The following ZSWIM6 variants were observed in gnomAD, a reference collection of about 807,000 sequenced individuals.
ZSWIM6 encodes the protein zinc finger SWIM domain-containing protein 6.
A neutral mutation model predicts 113.2 loss-of-function variants in ZSWIM6; 9 were observed. That is an observed-to-expected ratio of 0.08 (90% CI 0.05 to 0.14). The LOEUF is 0.14. Among genes scored for constraint, ZSWIM6 ranks in the 10% least tolerant of loss-of-function variants. ZSWIM6 has a pLI of 1.00. For synonymous variants in ZSWIM6, 611 were observed against 606.5 expected (o/e 1.01, Z -0.11); for missense variants, 1,162 against 1,552.2 (o/e 0.75, Z 4.22).
intron 1 of ZSWIM6, among the ~76,000 whole-genome samples, chr5:61,372,138 G>A (rs1013936338): frequency 6.6e-6 from 1 of 151,030 alleles, no homozygotes; most frequent in Non-Finnish European, 1.5e-5. Flanking sequence ...ATTAATTTTG[G>A]GGCATTATTG....
chr5:61,339,874 T>G (rs1199679472), intron 1 of ZSWIM6, among the ~76,000 whole-genome samples: 1 of 152,234 alleles, frequency 6.6e-6, no homozygotes, highest in Non-Finnish European at 1.5e-5. Context: ...GGGGATTACT[T>G]TAAATTCAAA....
At chr5:61,488,331 G>A (rs530548053) in intron 2 of ZSWIM6, among the ~76,000 whole-genome samples, 4 of 151,894 alleles carry the variant, frequency 2.6e-5, no homozygotes, top group African/African-American at 9.7e-5. Flanking sequence ...TTTTTGTGTG[G>A]TGTCCTTGTC....
chr5:61,362,423 C>A (rs1318095919), intron 1 of ZSWIM6, among the ~76,000 whole-genome samples: 1 of 152,098 alleles, frequency 6.6e-6, no homozygotes, highest in African/African-American at 2.4e-5. Flanking sequence ...GTCTCTAACT[C>A]CTGACCTCAG....
intron 1 of ZSWIM6, among the ~76,000 whole-genome samples, chr5:61,431,372 CAAAAAAAAAAAAAAA>C (rs397881994): frequency 1.3e-4 from 6 of 44,526 alleles, no homozygotes; most frequent in South Asian, 1.1e-3. Flanking sequence ...ACTCCATCTC[CAAAAAAAAAAAAAAA>C]AAAAAAAAAA....
chr5:61,425,186 A>G (rs1460851502), intron 1 of ZSWIM6, among the ~76,000 whole-genome samples: 10 of 152,198 alleles, frequency 6.6e-5, no homozygotes, highest in Admixed American at 4.6e-4. Flanking sequence ...ACCCCTAAGG[A>G]AGAAAAAATA....
chr5:61,465,195 G>A (rs1426010196), intron 1 of ZSWIM6, among the ~76,000 whole-genome samples: 1 of 152,202 alleles, frequency 6.6e-6, no homozygotes, highest in Admixed American at 6.5e-5. Flanking sequence ...GCATTTTGCA[G>A]AGTTACAGTT....
chr5:61,384,259 A>G (rs1213268799), intron 1 of ZSWIM6, among the ~76,000 whole-genome samples: 1 of 152,000 alleles, frequency 6.6e-6, no homozygotes, highest in Non-Finnish European at 1.5e-5. Context: ...AAAAAAAAAA[A>G]AAAAAAAAAA....
intron 1 of ZSWIM6, among the ~76,000 whole-genome samples, chr5:61,386,076 A>G (rs1745587490): frequency 1.3e-5 from 2 of 152,214 alleles, no homozygotes; most frequent in African/African-American, 2.4e-5. Context: ...TTTGGTTTTC[A>G]TATATTTCAT....
At chr5:61,539,155 T>C (rs953215663) in intron 11 of ZSWIM6, among the ~76,000 whole-genome samples, 184 bp downstream of exon 11, 1 of 152,250 alleles carries the variant, frequency 6.6e-6, no homozygotes, top group South Asian at 2.1e-4. Context: ...ACCTGCATCA[T>C]TAACTTGCTG....
intron 4 of ZSWIM6, among the ~76,000 whole-genome samples, chr5:61,515,245 C>T (rs552698046): frequency 6.6e-6 from 1 of 152,270 alleles, no homozygotes; most frequent in South Asian, 2.1e-4. Context: ...TCCCCTGTCT[C>T]AGCCTCCAAA....
rs148746224 is a variant in ZSWIM6, at chr5:61,531,699, G to A, written c.2219G>A (p.Arg740His). The change falls in exon 9 of 14, where the codon CGC becomes CAC. Residue 740 changes from arginine (R) to histidine (H), a missense_variant. Transcript: ENST00000252744. The part of the protein sequence containing the change: ...ELDDTLVKIF[R>H]KQAVFLLEAG... Reference sequence around the variant, plus strand: ...GATGACACACTGGTGAAAATTTTTCGCAAGCAAGCAGTCTTCCTATTAGAA... The same window carrying A: ...GATGACACACTGGTGAAAATTTTTCACAAGCAAGCAGTCTTCCTATTAGAA... 3.0e-5 allele frequency: 46 copies of A among 1,551,608 alleles called. No individual in the cohort carries two copies. Among genetic ancestry groups the A allele is most frequent in the East Asian group, 1.7e-4 (7 of 40,922 alleles).
intron 1 of ZSWIM6, among the ~76,000 whole-genome samples, chr5:61,423,801 T>A (rs1333923552): frequency 6.6e-6 from 1 of 152,232 alleles, no homozygotes; most frequent in Non-Finnish European, 1.5e-5. Flanking sequence ...CTTCTTCATA[T>A]GTTTGAAAGT....
intron 2 of ZSWIM6, among the ~76,000 whole-genome samples, chr5:61,482,527 A>G (rs533500231): frequency 2.0e-5 from 3 of 152,332 alleles, no homozygotes; most frequent in Admixed American, 6.5e-5. Context: ...ACAGTTAAAT[A>G]CATGAATTTG....
intron 1 of ZSWIM6, among the ~76,000 whole-genome samples, chr5:61,335,271 A>G (rs1453454308): frequency 6.6e-6 from 1 of 152,268 alleles, no homozygotes; most frequent in Non-Finnish European, 1.5e-5. Flanking sequence ...ATACGTGCTA[A>G]ACAAGTGCTA....
intron 1 of ZSWIM6, among the ~76,000 whole-genome samples, chr5:61,432,609 C>T (rs1746610613): frequency 6.6e-6 from 1 of 152,210 alleles, no homozygotes; most frequent in South Asian, 2.1e-4. Context: ...TATTGCCTAT[C>T]CTGCCCCATG....
At chr5:61,446,802 A>G (rs1243262716) in intron 1 of ZSWIM6, among the ~76,000 whole-genome samples, 1 of 152,214 alleles carries the variant, frequency 6.6e-6, no homozygotes. Flanking sequence ...AAACATAATA[A>G]CATAAATGTA....
chr5:61,345,609 C>T (rs1382242845), intron 1 of ZSWIM6, among the ~76,000 whole-genome samples: 1 of 152,108 alleles, frequency 6.6e-6, no homozygotes, highest in African/African-American at 2.4e-5. Flanking sequence ...TTGTGTTGTA[C>T]CATGAGCTAC....
At chr5:61,376,393 G>C (rs1356045257) in intron 1 of ZSWIM6, among the ~76,000 whole-genome samples, 2 of 151,940 alleles carry the variant, frequency 1.3e-5, no homozygotes, top group Non-Finnish European at 2.9e-5. Context: ...GTGTGCCTTT[G>C]ATCCTCACAC....
chr5:61,531,257 C>A (rs762904923), intron 8 of ZSWIM6, among the ~76,000 whole-genome samples: 4 of 151,968 alleles, frequency 2.6e-5, no homozygotes, highest in Non-Finnish European at 5.9e-5. Flanking sequence ...AATGTTATAT[C>A]CCCCAAAACG....
Sources: gnomAD v4.1 joint callset for allele counts (sites outside exome capture counted in the v4.1 genomes callset) on GRCh38, gnomAD v4.1.1 for gene constraint, MANE v1.5 for transcripts, NCBI Gene and HGNC (gene_info 2026-07-23, HGNC 2026-07-21) for gene names.